PCDH11X: variants seen among roughly 807,000 people sequenced by gnomAD.
PCDH11X encodes the protein protocadherin-11 X-linked.
Under a neutral mutation model 53.3 loss-of-function variants are expected in PCDH11X, and 18 were observed. The observed-to-expected ratio is 0.34, with a 90% CI of 0.23 to 0.50. PCDH11X has a LOEUF of 0.50. Ranked by LOEUF, PCDH11X falls within the 20% of genes least tolerant of loss-of-function variation. The pLI is 0.98. For missense variants in PCDH11X, 570 were observed against 1,032.4 expected (o/e 0.55, Z 6.14); for synonymous variants, 279 against 393.3 (o/e 0.71, Z 3.44).
chrX:92,149,961 A>C (rs943145037), intron 6 of PCDH11X, among the ~76,000 whole-genome samples: 2 of 111,690 alleles, frequency 1.8e-5, no homozygotes, highest in African/African-American at 6.5e-5. Context: ...ATAATATTCA[A>C]CTTTATGGAT....
chrX:92,299,824 T>A (rs1309539076), intron 8 of PCDH11X, among the ~76,000 whole-genome samples: 8 of 110,429 alleles, frequency 7.2e-5, no homozygotes, highest in African/African-American at 2.6e-4. Context: ...CAGCTCTGAT[T>A]TTGGATATTT....
intron 6 of PCDH11X, among the ~76,000 whole-genome samples, chrX:92,193,441 T>C (rs1048412743): frequency 9.0e-6 from 1 of 111,218 alleles, no homozygotes; most frequent in East Asian, 2.8e-4. Context: ...CTTTTCTTTG[T>C]AGGGGCTAGT....
intron 6 of PCDH11X, among the ~76,000 whole-genome samples, chrX:92,062,463 T>G (rs767742359): frequency 8.9e-6 from 1 of 111,855 alleles, no homozygotes; most frequent in South Asian, 3.7e-4. Context: ...TGTGGGAATG[T>G]CATAGATAGC....
chrX:92,403,530 G>T (rs1474813115), intron 9 of PCDH11X, among the ~76,000 whole-genome samples: 9 of 109,653 alleles, frequency 8.2e-5, no homozygotes, highest in Admixed American at 9.9e-5. Flanking sequence ...CTCATTTTAT[G>T]TCAGTGACTG....
intron 9 of PCDH11X, among the ~76,000 whole-genome samples, chrX:92,439,993 T>A (rs1156369647): frequency 1.1e-5 from 1 of 87,627 alleles, no homozygotes; most frequent in East Asian, 4.1e-4. Context: ...GCTAGTTTTT[T>A]AAAAAAACAA....
Position 92,610,651 on chromosome X carries a change from A to T in PCDH11X, c.3368-7613A>T, listed in dbSNP as rs1455082612. Among the ~76,000 whole-genome samples the T allele has an allele frequency of 6.3e-5, 7 of 111,555 alleles. No homozygotes were observed. The East Asian group carries it at 2.0e-3, about 31-fold the overall frequency. On this transcript the variant is annotated intron_variant, in intron 10 of 10. Coordinates refer to ENST00000682573, the MANE Select transcript of PCDH11X (RefSeq NM_032968.5). Reference sequence around the variant, plus strand: ...TTGTTGCAATTGCTTTTAAGGATTTAGTCATAAATTCTTTGCCAAGGCTAA... The same window carrying T: ...TTGTTGCAATTGCTTTTAAGGATTTTGTCATAAATTCTTTGCCAAGGCTAA...
intron 8 of PCDH11X, among the ~76,000 whole-genome samples, chrX:92,307,138 C>G (rs1242287630): frequency 9.0e-6 from 1 of 110,723 alleles, no homozygotes; most frequent in Non-Finnish European, 1.9e-5. Flanking sequence ...ATCCTGATAC[C>G]AAAGTCAGAA....
chrX:92,122,378 G>T (rs2064786877), intron 6 of PCDH11X, among the ~76,000 whole-genome samples: 1 of 111,422 alleles, frequency 9.0e-6, no homozygotes, highest in African/African-American at 3.3e-5. Flanking sequence ...TGGGAAACAA[G>T]GTTTGAAATT....
intron 10 of PCDH11X, among the ~76,000 whole-genome samples, chrX:92,476,141 G>A (rs2073379146): frequency 9.2e-6 from 1 of 109,023 alleles, no homozygotes; most frequent in Non-Finnish European, 1.9e-5. Flanking sequence ...TTTTATAAAG[G>A]AGAGTTCCCC....
chrX:92,294,362 C>T (rs1393631546), intron 8 of PCDH11X, among the ~76,000 whole-genome samples: 2 of 110,972 alleles, frequency 1.8e-5, no homozygotes, highest in East Asian at 2.8e-4. Context: ...AGGCTGGTCT[C>T]GAATTCCTGA....
chrX:92,072,013 G>T (rs1172125329), intron 6 of PCDH11X, among the ~76,000 whole-genome samples: 3 of 110,958 alleles, frequency 2.7e-5, no homozygotes, highest in African/African-American at 9.8e-5. Flanking sequence ...ACAATACAAA[G>T]TCCTTCCCAC....
intron 7 of PCDH11X, among the ~76,000 whole-genome samples, chrX:92,223,243 A>C (rs747562563): frequency 9.0e-6 from 1 of 111,333 alleles, no homozygotes; most frequent in South Asian, 3.7e-4. Flanking sequence ...ATTTGTATAT[A>C]TTTCTCCTTT....
chrX:92,131,594 A>G (rs1275157391), intron 6 of PCDH11X, among the ~76,000 whole-genome samples: 1 of 111,777 alleles, frequency 8.9e-6, no homozygotes, highest in East Asian at 2.8e-4. Context: ...TCCAGAGCTT[A>G]TATACCTTCT....
At chrX:92,236,153 T>C (rs2067168730) in intron 7 of PCDH11X, among the ~76,000 whole-genome samples, 1 of 111,359 alleles carries the variant, frequency 9.0e-6, no homozygotes, top group South Asian at 3.7e-4. Context: ...ACTGTGACTA[T>C]TTTGAACATC....
At chrX:92,538,507 G>A (rs1403166774) in intron 10 of PCDH11X, among the ~76,000 whole-genome samples, 2 of 109,014 alleles carry the variant, frequency 1.8e-5, no homozygotes, top group Non-Finnish European at 3.8e-5. Flanking sequence ...GATTTAATTT[G>A]TAACTTTTTA....
At chrX:92,003,475 G>A (rs765883122) in intron 6 of PCDH11X, among the ~76,000 whole-genome samples, 167 of 108,320 alleles carry the variant, frequency 1.5e-3, no homozygotes, top group African/African-American at 5.4e-3. Context: ...TTAAATGTTT[G>A]GTTGCATTCA....
chrX:92,540,520 G>C (rs2074737415), intron 10 of PCDH11X, among the ~76,000 whole-genome samples: 1 of 104,485 alleles, frequency 9.6e-6, no homozygotes, highest in African/African-American at 3.5e-5. Flanking sequence ...ACCAGGACTT[G>C]ACACCAAGAG....
chrX:92,136,807 G>A (rs936220501), intron 6 of PCDH11X, among the ~76,000 whole-genome samples: 2 of 110,179 alleles, frequency 1.8e-5, no homozygotes, highest in African/African-American at 6.6e-5. Context: ...GGAATTATAT[G>A]AGCTAGTTTT....
At chrX:92,163,088 T>C (rs949798432) in intron 6 of PCDH11X, among the ~76,000 whole-genome samples, 9 of 103,956 alleles carry the variant, frequency 8.7e-5, no homozygotes, top group East Asian at 6.3e-4. Flanking sequence ...GTCTCTGCTG[T>C]GTCATGCAGT....
Sources: allele counts gnomAD v4.1 joint callset (sites outside exome capture counted in the v4.1 genomes callset), GRCh38; gene constraint gnomAD v4.1.1; transcripts MANE v1.5; gene names NCBI Gene and HGNC (gene_info 2026-07-23, HGNC 2026-07-21).